The following NPNT variants were observed in gnomAD, a reference collection of about 807,000 sequenced individuals.
NPNT encodes the protein nephronectin, also known as preosteoblast EGF-like repeat protein with MAM domain.
Under a neutral mutation model 68.6 loss-of-function variants are expected in NPNT, and 45 were observed. The ratio of observed to expected loss-of-function variants is 0.66; its 90% CI spans 0.52 to 0.84. The LOEUF (loss-of-function observed/expected upper bound fraction) is 0.84, where lower values mean the gene tolerates loss of function less well. Among genes scored for constraint, NPNT ranks in the 40% least tolerant of loss-of-function variants. NPNT has a pLI of 0.00. For missense variants in NPNT, 672 were observed against 714.8 expected (o/e 0.94, Z 0.68); for synonymous variants, 233 against 253.3 (o/e 0.92, Z 0.76).
intron 10 of NPNT, among the ~76,000 whole-genome samples, chr4:105,963,228 A>T (rs1181585991): frequency 2.7e-5 from 4 of 149,760 alleles, no homozygotes; most frequent in East Asian, 1.9e-4. Context: ...CCGTCAAAAA[A>T]AAATAATAAA....
intron 2 of NPNT, among the ~76,000 whole-genome samples, chr4:105,917,604 A>G (rs546687005): frequency 1.3e-5 from 2 of 152,338 alleles, no homozygotes; most frequent in South Asian, 2.1e-4. Flanking sequence ...ATAATTTATG[A>G]TAGAAGTATG....
intron 2 of NPNT, among the ~76,000 whole-genome samples, chr4:105,917,756 T>C (rs1435556237): frequency 6.6e-6 from 1 of 152,098 alleles, no homozygotes; most frequent in East Asian, 1.9e-4. Context: ...TGGCATTCCA[T>C]GTGAAAGTGT....
At chr4:105,919,145 C>T (rs1728042500) in intron 2 of NPNT, among the ~76,000 whole-genome samples, 1 of 152,044 alleles carries the variant, frequency 6.6e-6, no homozygotes, top group African/African-American at 2.4e-5. Flanking sequence ...TATATTTCTT[C>T]CATGTTTTGT....
chr4:105,939,994 T>G, intron 5 of NPNT, 81 bp from the exon 6 acceptor site: 1 of 1,212,482 alleles, frequency 8.2e-7, no homozygotes. Flanking sequence ...CAACCATTTG[T>G]AGTCAGTTAT....
At chr4:105,935,962 TAATTA>T (rs766947714) in intron 3 of NPNT, among the ~76,000 whole-genome samples, 15 of 152,230 alleles carry the variant, frequency 9.9e-5, no homozygotes, top group Non-Finnish European at 2.1e-4. Context: ...GATTAATAGA[TAATTA>T]AATTATGCTA....
chr4:105,936,905 AC>A, intron 3 of NPNT, 103 bp from the exon 4 acceptor site: 7 of 1,108,114 alleles, frequency 6.3e-6, no homozygotes, highest in Non-Finnish European at 7.6e-6. Flanking sequence ...CTGTAGCTTG[AC>A]CTATTTTTCT....
chr4:105,928,632 A>G (rs970018213), intron 3 of NPNT, among the ~76,000 whole-genome samples: 4 of 148,892 alleles, frequency 2.7e-5, no homozygotes, highest in African/African-American at 7.4e-5. Flanking sequence ...AAAAAAAAAG[A>G]AAAAAAAATC....
intron 10 of NPNT, among the ~76,000 whole-genome samples, chr4:105,964,953 T>G (rs1036652678): frequency 6.6e-6 from 1 of 152,208 alleles, no homozygotes; most frequent in African/African-American, 2.4e-5. Context: ...TAGTATTCCT[T>G]TTTTTAAAAA....
intron 10 of NPNT, among the ~76,000 whole-genome samples, chr4:105,966,155 C>T (rs1257271038): frequency 6.6e-6 from 1 of 152,178 alleles, no homozygotes; most frequent in Non-Finnish European, 1.5e-5. Flanking sequence ...ACATGTTCAA[C>T]ATTCCAACCA....
At chr4:105,919,253 T>A (rs1728054347) in intron 2 of NPNT, among the ~76,000 whole-genome samples, 1 of 152,054 alleles carries the variant, frequency 6.6e-6, no homozygotes, top group South Asian at 2.1e-4. Flanking sequence ...TTTTTTTCTC[T>A]CTTCCTTCCC....
chr4:105,916,164 C>G (rs915423830), intron 2 of NPNT, among the ~76,000 whole-genome samples: 11 of 151,920 alleles, frequency 7.2e-5, no homozygotes, highest in African/African-American at 2.7e-4. Flanking sequence ...CACCACCACT[C>G]CTAACTCTAA....
chr4:105,925,493 A>G (rs1202105033), intron 2 of NPNT, among the ~76,000 whole-genome samples: 1 of 152,134 alleles, frequency 6.6e-6, no homozygotes, highest in Non-Finnish European at 1.5e-5. Context: ...AGAAAAAAAA[A>G]TAACATGCAC....
chr4:105,925,626 C>G (rs1347775592), intron 2 of NPNT, among the ~76,000 whole-genome samples: 5 of 152,172 alleles, frequency 3.3e-5, no homozygotes, highest in Non-Finnish European at 7.3e-5. Context: ...TGGGTAGGAA[C>G]AGGTGTCAGG....
intron 2 of NPNT, among the ~76,000 whole-genome samples, chr4:105,898,290 T>TTCTCTCTCTCTCTC (rs148494812): frequency 1.1e-5 from 1 of 94,762 alleles, no homozygotes; most frequent in Admixed American, 1.0e-4. Flanking sequence ...CCAGGTTTAT[T>TTCTCTCTCTCTCTC]TCTCTCTCTC....
At chr4:105,950,343 G>GGA (rs772081874) in intron 8 of NPNT, among the ~76,000 whole-genome samples, 2 of 152,038 alleles carry the variant, frequency 1.3e-5, no homozygotes, top group Non-Finnish European at 2.9e-5. Flanking sequence ...AAATAACATA[G>GGA]TTATTTTATG....
intron 2 of NPNT, chr4:105,912,221 T>TA (rs1471743605): frequency 2.6e-6 from 4 of 1,534,158 alleles, no homozygotes; most frequent in Non-Finnish European, 3.5e-6. Context: ...ATAGCCAGGA[T>TA]AAGGTGCCAG....
chr4:105,938,773 G>GAAGC (rs1729700470), intron 5 of NPNT, among the ~76,000 whole-genome samples: 2 of 152,214 alleles, frequency 1.3e-5, no homozygotes, highest in South Asian at 4.1e-4. Context: ...TAGATTGTAT[G>GAAGC]TGTTGTTCTT....
rs11355483 is a variant in NPNT at position 105,920,395 on chromosome 4, T to TAAAAAAAAAAAAAAA, written c.173-6931_173-6917dup. Among the ~76,000 whole-genome samples the TAAAAAAAAAAAAAAA allele has an allele frequency of 1.4e-3, 108 of 79,448 alleles. 1 individual carries two copies. Among genetic ancestry groups the TAAAAAAAAAAAAAAA allele is most frequent in the Middle Eastern group, 6.2e-3 (1 of 162 alleles). The allele number at this position is 79,448 out of a possible 152,430, so 52.1% of individuals were successfully genotyped here. ...GTGGGCATTGCTACTGTTACTCTAC[T>TAAAAAAAAAAAAAAA]AAAAAAAAAAAAAAAAAAAAAAAAC... is the stretch of plus-strand genomic sequence containing the variant. On this transcript the variant is annotated intron_variant, in intron 2 of 11. Transcript: ENST00000379987.
intron 11 of NPNT, among the ~76,000 whole-genome samples, chr4:105,968,357 C>A (rs1049862821): frequency 2.6e-5 from 4 of 152,210 alleles, no homozygotes; most frequent in African/African-American, 9.6e-5. Context: ...TTATAAGGAG[C>A]AAGGATGCTC....
Sources: allele counts gnomAD v4.1 joint callset (sites outside exome capture counted in the v4.1 genomes callset), GRCh38; gene constraint gnomAD v4.1.1; transcripts MANE v1.5; gene names NCBI Gene and HGNC (gene_info 2026-07-23, HGNC 2026-07-21).